LIPE: variants seen among roughly 807,000 people sequenced by gnomAD.
LIPE encodes the protein hormone-sensitive lipase.
LIPE carries 66 observed loss-of-function variants against 88.5 expected under a neutral mutation model. The observed-to-expected ratio is 0.75, with a 90% CI of 0.61 to 0.91. LIPE has a LOEUF of 0.91. Ranked by LOEUF, LIPE falls within the 40% of genes least tolerant of loss-of-function variation. The pLI is 0.00. For missense variants in LIPE, 1,346 were observed against 1,434.7 expected (o/e 0.94, Z 1.00); for synonymous variants, 570 against 617.5 (o/e 0.92, Z 1.14).
chr19:42,407,381 G>T lies in LIPE; in HGVS notation c.1930C>A (p.Arg644=). The change falls in exon 6 of 10, where the codon CGG becomes AGG. Residue 644 remains arginine, a synonymous_variant. Coordinates refer to ENST00000244289, the MANE Select transcript of LIPE (RefSeq NM_005357.4). The surrounding 1 kb of genome is among the most constrained non-coding windows in gnomAD (Gnocchi z 5.8). ...WPRPQQAPRS[R]SLIVHFHGGG... ...CCGTGGAAGTGCACTATCAGGGACC[G>T]CGAGCGGGGTGCCTGCTGGGGGCGC... 1 of 1,613,586 alleles carries T rather than the reference G, an allele frequency of 6.2e-7. No homozygotes were observed. The highest frequency in any genetic ancestry group is 8.5e-7 in the Non-Finnish European group (1 of 1,179,802).
At chr19:42,413,484 T>C (rs1450096278) in intron 1 of LIPE, among the ~76,000 whole-genome samples, 1 of 152,062 alleles carries the variant, frequency 6.6e-6, no homozygotes, top group Non-Finnish European at 1.5e-5. Flanking sequence ...GCTAACACGG[T>C]GAAACCCCGT....
chr19:42,402,556 G>C, intron 9 of LIPE, 51 bp downstream of exon 9: 4 of 1,403,438 alleles, frequency 2.9e-6, no homozygotes, highest in Non-Finnish European at 3.7e-6. Context: ...TCCTCCCCGG[G>C]TGCCCTGCTC....
intron 7 of LIPE, 131 bp from the exon 8 acceptor site, chr19:42,405,692 G>A: frequency 1.1e-6 from 1 of 878,546 alleles, no homozygotes; most frequent in South Asian, 1.7e-5. Flanking sequence ...TAAGGAGGCT[G>A]GGCGCAGTGG....
intron 1 of LIPE, chr19:42,424,435 T>G: frequency 2.2e-6 from 1 of 456,068 alleles, no homozygotes; most frequent in Non-Finnish European, 4.4e-6. Context: ...CCCGCCGCGG[T>G]GGTGTGGGGC....
At position 42,401,524 on chromosome 19, in the gene LIPE, C is replaced by G; in HGVS notation, c.*288G>C. 2.4e-6 allele frequency: 1 copy of G among 417,714 alleles called. No homozygotes were observed. Among genetic ancestry groups the G allele is most frequent in the Non-Finnish European group, 4.3e-6 (1 of 234,784 alleles). 25.9% of individuals were successfully genotyped at this position (417,714 alleles called of 1,614,324 possible). A position where few individuals can be genotyped will look rare whatever the true frequency, so the allele number is the denominator to read the frequency against. On this transcript the variant is annotated 3_prime_UTR_variant, in exon 10 of 10. Transcript: ENST00000244289. The stretch of plus-strand genomic sequence containing the variant: ...TGAGAGAGGCCAAACTAATTAAATA[C>G]TTTTATTTACAACAAACCAAACCGA...
At position 42,408,100 on chromosome 19, in the gene LIPE, A is replaced by G. The variant is rs149457072; in HGVS notation, c.1532T>C (p.Phe511Ser). ...GTCGATGGCAAAGCGGCCGCTGGTG[A>G]AGAGAGAGCTGGCGGCCACACCTAG... ...TGLSVAASSL[F>S]TSGRFAIDPE... Residue 511 changes from phenylalanine (F) to serine (S), a missense_variant, in exon 4 of 10, where the codon TTC becomes TCC. By Grantham distance (155) the Phe-to-Ser change is radical. Coordinates refer to ENST00000244289, the MANE Select transcript of LIPE (RefSeq NM_005357.4). The surrounding 1 kb of genome is among the most constrained non-coding windows in gnomAD (Gnocchi z 4.3). 3.7e-6 allele frequency: 6 copies of G among 1,613,684 alleles called. No individual in the cohort carries two copies. The African/African-American group carries it at 8.0e-5, about 22-fold the overall frequency.
intron 7 of LIPE, chr19:42,405,880 A>G (rs2040154773): frequency 5.5e-6 from 3 of 545,448 alleles, no homozygotes; most frequent in Non-Finnish European, 9.8e-6. Context: ...TGATTGCTTC[A>G]GCCTGGGAGG....
In LIPE at chr19:42,405,607, C is replaced by A. The variant is rs776948343; in HGVS notation, c.2366-46G>T. The A allele has an allele frequency of 2.5e-6, 4 of 1,571,202 alleles. No individual in the cohort carries two copies. In the Admixed American group the frequency reaches 7.1e-5, roughly 28 times the overall value. On this transcript the variant is annotated intron_variant, in intron 7 of 9. Coordinates refer to ENST00000244289, the MANE Select transcript of LIPE (RefSeq NM_005357.4). ...GCTGAGTTGTTTTCCCCTTTCTGGG[C>A]CCAGTTTTAACGCCCAGAACTTCAG...
chr19:42,424,969 C>G (rs531555128), intron 1 of LIPE: 1 of 289,612 alleles, frequency 3.5e-6, no homozygotes, highest in Non-Finnish European at 6.7e-6. Flanking sequence ...CCCCAACTTT[C>G]CTGCCGTCAG....
chr19:42,402,663 A>T lies in LIPE; in HGVS notation c.2911T>A (p.Ser971Thr). The T allele has an allele frequency of 6.7e-7, 1 of 1,500,372 alleles. No homozygotes were observed. The highest frequency in any genetic ancestry group is 8.9e-7 in the Non-Finnish European group (1 of 1,122,776). The allele number at this position is 1,500,372 out of a possible 1,614,324, so 92.9% of individuals were successfully genotyped here. ...SSPIVKNPFM[S>T]PLLAPDSMLK... Reference sequence around the variant, plus strand: ...ATGCTGTCGGGTGCCAGCAGCGGCGACATGAAGGGGTTCTTGACTATGGGT... The same window carrying T: ...ATGCTGTCGGGTGCCAGCAGCGGCGTCATGAAGGGGTTCTTGACTATGGGT... Residue 971 changes from serine (S) to threonine (T), a missense_variant, in exon 9 of 10, where the codon TCG (serine) becomes ACG (threonine). By Grantham distance (58) the Ser-to-Thr change is moderately conservative (BLOSUM62 1). Coordinates refer to ENST00000244289, the MANE Select transcript of LIPE (RefSeq NM_005357.4).
intron 1 of LIPE, among the ~76,000 whole-genome samples, chr19:42,425,908 T>C (rs1190906313): frequency 6.6e-6 from 1 of 152,106 alleles, no homozygotes; most frequent in African/African-American, 2.4e-5. Context: ...GTTCAAGTGT[T>C]TCTCTGCCTC....
At chr19:42,416,298 C>T (rs927248683) in intron 1 of LIPE, among the ~76,000 whole-genome samples, 6 of 152,028 alleles carry the variant, frequency 3.9e-5, no homozygotes, top group Admixed American at 3.3e-4. Flanking sequence ...GAGCCGAGAT[C>T]GTGCCATTGC....
At position 42,402,040 on chromosome 19, in the gene LIPE, G is replaced by T; in HGVS notation, c.3003C>A (p.Val1001=). The T allele has an allele frequency of 6.5e-7, 1 of 1,529,612 alleles. No homozygotes were observed. Among genetic ancestry groups the T allele is most frequent in the Admixed American group, 2.0e-5 (1 of 49,236 alleles). 94.8% of individuals were successfully genotyped at this position (1,529,612 alleles called of 1,614,324 possible). A position where few individuals can be genotyped will look rare whatever the true frequency, so the allele number is the denominator to read the frequency against. ...GGTTGCGCAGTCGCCGCGCGAGCATGACCGAGTCGTCCAGCATGGGGTCCA... is the reference window on the plus strand; with the variant it reads ...GGTTGCGCAGTCGCCGCGCGAGCATTACCGAGTCGTCCAGCATGGGGTCCA... ...CALDPMLDDS[V]MLARRLRNLG... Residue 1001 remains valine (V), a synonymous_variant, in exon 10 of 10, where the codon GTC becomes GTA. Transcript: ENST00000244289.
Position 42,407,616 on chromosome 19 carries a change from C to G in LIPE, c.1832G>C (p.Arg611Pro), listed in dbSNP as rs751732396. Residue 611 changes from arginine to proline, a missense_variant, in exon 5 of 10, where the codon CGT becomes CCT. Arg to Pro is a moderately radical substitution (Grantham distance 103). Transcript: ENST00000244289. The surrounding 1 kb of genome is among the most constrained non-coding windows in gnomAD (Gnocchi z 5.8). ...VLVRLISYDL[R>P]EGQDSEELSS... Reference sequence around the variant, plus strand: ...AGGCTGGAACCCTACCTGTCCTTCACGCAGGTCATAGGAGATGAGCCTGAC... The same window carrying G: ...AGGCTGGAACCCTACCTGTCCTTCAGGCAGGTCATAGGAGATGAGCCTGAC... 6.2e-7 allele frequency: 1 copy of G among 1,608,140 alleles called. No individual in the cohort carries two copies. Among genetic ancestry groups the G allele is most frequent in the Admixed American group, 1.7e-5 (1 of 59,360 alleles).
chr19:42,427,305 G>T lies in LIPE; in HGVS notation c.-156C>A. On this transcript the variant is annotated 5_prime_UTR_variant, in exon 1 of 10. Coordinates refer to ENST00000244289, the MANE Select transcript of LIPE (RefSeq NM_005357.4). ...TAGCATCACTGGTCTTCCTTTTTAAGGCAGCTGGCAGTTGGCCGATCACAG... is the reference window on the plus strand; with the variant it reads ...TAGCATCACTGGTCTTCCTTTTTAATGCAGCTGGCAGTTGGCCGATCACAG... 7.2e-7 allele frequency: 1 copy of T among 1,385,016 alleles called. No individual in the cohort carries two copies. The highest frequency in any genetic ancestry group is 1.7e-5 in the South Asian group (1 of 58,034). 85.8% of individuals were successfully genotyped at this position (1,385,016 alleles called of 1,614,324 possible).
Position 42,427,340 on chromosome 19 carries a change from A to G in LIPE, c.-191T>C. 2 of 1,058,330 alleles carry G rather than the reference A, an allele frequency of 1.9e-6. No individual in the cohort carries two copies. Among genetic ancestry groups the G allele is most frequent in the Non-Finnish European group, 2.6e-6 (2 of 777,258 alleles). 65.6% of individuals were successfully genotyped at this position (1,058,330 alleles called of 1,614,324 possible). On this transcript the variant is annotated 5_prime_UTR_variant, in exon 1 of 10. Coordinates refer to ENST00000244289, the MANE Select transcript of LIPE (RefSeq NM_005357.4). Reference sequence around the variant, plus strand: ...AGTTGGCCGATCACAGCTGGCCCCCACTAAGTAATGAACTCTGTGCCTCTT... The same window carrying G: ...AGTTGGCCGATCACAGCTGGCCCCCGCTAAGTAATGAACTCTGTGCCTCTT...
At position 42,414,887 on chromosome 19, in the gene LIPE, G is replaced by T. The variant is rs939708296; in HGVS notation, c.884-4045C>A. ...CTGTGTGTGTTCTGACTGCTCCACT[G>T]ACCAGCCATTTCCCCCATCTCTCTT... On this transcript the variant is annotated intron_variant, in intron 1 of 9. Transcript: ENST00000244289. This position sits in a 1 kb window ranked among gnomAD's most constrained non-coding sequence, Gnocchi z 4.6. 1.3e-5 allele frequency among the ~76,000 whole-genome samples: 2 copies of T among 152,196 alleles called. No homozygotes were observed. Among genetic ancestry groups the T allele is most frequent in the East Asian group, 3.8e-4 (2 of 5,196 alleles).
rs760628566 is a variant in LIPE, at chr19:42,409,400, C to CAAAAA, written c.1419+902_1419+906dup. On this transcript the variant is annotated intron_variant, in intron 2 of 9. Transcript: ENST00000244289. Reference sequence around the variant, plus strand: ...AACCCCATCTCTACTAAACAAAATACAAAAAAAAAAAAAAAAAAAAATACA... The same window carrying CAAAAA: ...AACCCCATCTCTACTAAACAAAATACAAAAAAAAAAAAAAAAAAAAAAAAAATACA... Among the ~76,000 whole-genome samples the CAAAAA allele has an allele frequency of 3.8e-3, 278 of 72,794 alleles. 1 individual carries two copies. Among genetic ancestry groups the CAAAAA allele is most frequent in the African/African-American group, 0.011 (224 of 19,722 alleles). 47.8% of individuals were successfully genotyped at this position (72,794 alleles called of 152,430 possible).
At chr19:42,424,803 C>CA (rs1482372681) in intron 1 of LIPE, 1 of 357,560 alleles carries the variant, frequency 2.8e-6, no homozygotes, top group African/African-American at 2.1e-5. Context: ...TTCTCCATGG[C>CA]AGGGGTTTTG....
Sources: gnomAD v4.1 joint callset for allele counts (sites outside exome capture counted in the v4.1 genomes callset) on GRCh38, gnomAD v4.1.1 for gene constraint, Gnocchi (gnomAD v3.1) non-coding constraint, MANE v1.5 for transcripts, NCBI Gene and HGNC (gene_info 2026-07-23, HGNC 2026-07-21) for gene names.